SLC24A2: variants seen among roughly 807,000 people sequenced by gnomAD.
SLC24A2 encodes solute carrier family 24 member 2, also known as sodium/potassium/calcium exchanger 2.
SLC24A2 carries 36 observed loss-of-function variants against 62.0 expected under a neutral mutation model. The observed-to-expected ratio is 0.58, with a 90% CI of 0.44 to 0.77. The LOEUF is 0.77. SLC24A2 is among the 30% of genes least tolerant of loss of function. The pLI, the probability that SLC24A2 is intolerant of heterozygous loss-of-function variation, is 0.00. For missense variants in SLC24A2, 846 were observed against 817.9 expected, an observed-to-expected ratio of 1.03 and a Z score of -0.42; for synonymous variants, 358 against 294.0, an observed-to-expected ratio of 1.22 and a Z score of -2.23.
the SLC24A2 span, among the ~76,000 whole-genome samples, chr9:20,199,399 A>G: frequency 6.6e-6 from 1 of 152,230 alleles, no homozygotes; most frequent in Non-Finnish European, 1.5e-5. Context: ...CCTAGCAATC[A>G]ATAAAGCAGA....
the SLC24A2 span, among the ~76,000 whole-genome samples, chr9:19,932,185 C>T: frequency 6.6e-6 from 1 of 152,186 alleles, no homozygotes; most frequent in South Asian, 2.1e-4. Flanking sequence ...TTTAAATAGT[C>T]AAAGTTGTAA....
chr9:19,523,700 T>A (rs146027908), intron 9 of SLC24A2, among the ~76,000 whole-genome samples: 1 of 152,130 alleles, frequency 6.6e-6, no homozygotes, highest in Non-Finnish European at 1.5e-5. Flanking sequence ...TGACCTCAGG[T>A]AATCCGCCTG....
the SLC24A2 span, among the ~76,000 whole-genome samples, chr9:19,903,582 A>C: frequency 6.6e-6 from 1 of 152,240 alleles, no homozygotes; most frequent in Non-Finnish European, 1.5e-5. Context: ...GGTAGGCTGC[A>C]GCAAGAAAAG....
chr9:20,081,064 G>A, the SLC24A2 span, among the ~76,000 whole-genome samples: 96 of 152,226 alleles, frequency 6.3e-4, no homozygotes, highest in Non-Finnish European at 1.2e-3. Flanking sequence ...GTGGAAGTCA[G>A]TGTGGCGATT....
At chr9:19,714,361 T>TA (rs1820798085) in intron 2 of SLC24A2, among the ~76,000 whole-genome samples, 2 of 152,192 alleles carry the variant, frequency 1.3e-5, no homozygotes, top group South Asian at 2.1e-4. Context: ...GCCTGCCTTG[T>TA]AAAAAAACTG....
chr9:19,918,160 GT>G, the SLC24A2 span, among the ~76,000 whole-genome samples: 1 of 151,640 alleles, frequency 6.6e-6, no homozygotes, highest in Non-Finnish European at 1.5e-5. Flanking sequence ...GTGTGTGTGT[GT>G]GTGTGTGTGT....
the SLC24A2 span, among the ~76,000 whole-genome samples, chr9:20,221,962 A>C: frequency 1.3e-5 from 2 of 152,122 alleles, no homozygotes; most frequent in Admixed American, 6.6e-5. Context: ...AAAAGAAATG[A>C]AACAGTGAGA....
At chr9:20,221,449 C>G in the SLC24A2 span, among the ~76,000 whole-genome samples, 20,825 of 151,632 alleles carry the variant, frequency 0.14, 1,655 homozygotes, top group African/African-American at 0.22. Flanking sequence ...AACAAACAAA[C>G]AAGACTTGTT....
chr9:19,560,410 G>C (rs927039802), intron 7 of SLC24A2, among the ~76,000 whole-genome samples: 1 of 151,462 alleles, frequency 6.6e-6, no homozygotes, highest in Non-Finnish European at 1.5e-5. Context: ...ATAAGGGTGG[G>C]GCCCTGATCC....
chr9:20,205,725 A>G, the SLC24A2 span, among the ~76,000 whole-genome samples: 2 of 151,732 alleles, frequency 1.3e-5, no homozygotes, highest in African/African-American at 4.8e-5. Flanking sequence ...TATTTAGCAG[A>G]TATTTTCTGG....
chr9:19,948,100 T>C, the SLC24A2 span, among the ~76,000 whole-genome samples: 1 of 152,196 alleles, frequency 6.6e-6, no homozygotes, highest in Non-Finnish European at 1.5e-5. Context: ...GAAATCCAAG[T>C]TCCAGAAGTG....
the SLC24A2 span, among the ~76,000 whole-genome samples, chr9:20,129,802 GA>G: frequency 1.3e-5 from 2 of 152,020 alleles, no homozygotes; most frequent in African/African-American, 4.8e-5. Flanking sequence ...GACACTGCTT[GA>G]AGAGTGAAAG....
At chr9:19,541,385 G>A (rs1254082151) in intron 8 of SLC24A2, among the ~76,000 whole-genome samples, 1 of 151,814 alleles carries the variant, frequency 6.6e-6, no homozygotes, top group African/African-American at 2.4e-5. Flanking sequence ...TGGGTTTTCG[G>A]TGTAGATGTC....
At chr9:19,974,974 C>T in the SLC24A2 span, among the ~76,000 whole-genome samples, 1 of 152,236 alleles carries the variant, frequency 6.6e-6, no homozygotes, top group Non-Finnish European at 1.5e-5. Context: ...GAGGAAGGCT[C>T]CTTTTTATCA....
At chr9:20,286,790 T>G in the SLC24A2 span, among the ~76,000 whole-genome samples, 1 of 152,130 alleles carries the variant, frequency 6.6e-6, no homozygotes, top group Non-Finnish European at 1.5e-5. Context: ...AACAGGACTC[T>G]CCTGAACAAA....
chr9:20,123,388 C>T, the SLC24A2 span, among the ~76,000 whole-genome samples: 1 of 152,120 alleles, frequency 6.6e-6, no homozygotes, highest in Non-Finnish European at 1.5e-5. Flanking sequence ...TTTTTCTCCT[C>T]ATAACAAAAT....
the SLC24A2 span, among the ~76,000 whole-genome samples, chr9:20,065,016 A>G: frequency 0.041 from 6,270 of 152,284 alleles, 442 homozygotes; most frequent in African/African-American, 0.14. Context: ...ATTACTGGCA[A>G]TCTGTGTGAT....
the SLC24A2 span, among the ~76,000 whole-genome samples, chr9:20,076,707 G>C: frequency 6.6e-6 from 1 of 151,928 alleles, no homozygotes; most frequent in African/African-American, 2.4e-5. Context: ...CCTGGGCTGG[G>C]GGATAGGGAG....
intron 2 of SLC24A2, among the ~76,000 whole-genome samples, chr9:19,639,215 T>G (rs1818432653): frequency 6.6e-6 from 1 of 152,186 alleles, no homozygotes; most frequent in African/African-American, 2.4e-5. Flanking sequence ...GGTAATTGAG[T>G]GGATTTTCTA....
Sources: allele counts gnomAD v4.1 joint callset (sites outside exome capture counted in the v4.1 genomes callset), GRCh38; gene constraint gnomAD v4.1.1; transcripts MANE v1.5; gene names NCBI Gene and HGNC (gene_info 2026-07-23, HGNC 2026-07-21).